The following PRKCA variants were observed in gnomAD, a reference collection of about 807,000 sequenced individuals.
PRKCA encodes protein kinase C alpha, also known as protein kinase C alpha type.
Under a neutral mutation model 87.0 loss-of-function variants are expected in PRKCA, and 27 were observed. The ratio of observed to expected loss-of-function variants is 0.31; its 90% CI spans 0.23 to 0.43. The LOEUF (loss-of-function observed/expected upper bound fraction) is 0.43. Among genes scored for constraint, PRKCA ranks in the 20% least tolerant of loss-of-function variants. The pLI is 1.00. For missense variants in PRKCA, 518 were observed against 852.3 expected (o/e 0.61, Z 4.88); for synonymous variants, 329 against 311.1 (o/e 1.06, Z -0.61).
At chr17:66,361,003 G>A (rs1908357000) in intron 2 of PRKCA, among the ~76,000 whole-genome samples, 1 of 151,852 alleles carries the variant, frequency 6.6e-6, no homozygotes, top group African/African-American at 2.4e-5. Context: ...GAAAAGTGGG[G>A]AAAGAGACAA....
At chr17:66,482,098 C>CAAAA (rs58719328) in intron 2 of PRKCA, among the ~76,000 whole-genome samples, 16 of 89,280 alleles carry the variant, frequency 1.8e-4, no homozygotes, top group Non-Finnish European at 2.9e-4. Context: ...AAGACTGTCT[C>CAAAA]AAAAAAAAAA....
At chr17:66,466,538 A>G (rs911184418) in intron 2 of PRKCA, among the ~76,000 whole-genome samples, 2 of 152,230 alleles carry the variant, frequency 1.3e-5, no homozygotes, top group African/African-American at 4.8e-5. Flanking sequence ...TCCTTACCTC[A>G]AAATGGAAGA....
chr17:66,553,544 G>C (rs1340181843), intron 3 of PRKCA, among the ~76,000 whole-genome samples: 1 of 152,208 alleles, frequency 6.6e-6, no homozygotes, highest in East Asian at 1.9e-4. Context: ...CTAATGGATA[G>C]AATATGGTAG....
chr17:66,745,670 G>A (rs991301210), intron 13 of PRKCA, among the ~76,000 whole-genome samples: 1 of 152,108 alleles, frequency 6.6e-6, no homozygotes, highest in African/African-American at 2.4e-5. Context: ...AACGGAGTGA[G>A]ACACCGTCTC....
chr17:66,805,423 T>C lies in PRKCA; in HGVS notation c.*1386T>C, dbSNP rs1976009524. On this transcript the variant is annotated 3_prime_UTR_variant, in exon 17 of 17. Coordinates refer to ENST00000413366, the MANE Select transcript of PRKCA (RefSeq NM_002737.3). ...TGCAGGTTCTTGTTTCTAATCCTCT[T>C]TTCTAATTAAGTTTTAGCTGAATCC... is the stretch of plus-strand genomic sequence containing the variant. 3 of 153,224 alleles carry C rather than the reference T, an allele frequency of 2.0e-5. No homozygotes were observed. Among genetic ancestry groups the C allele is most frequent in the Admixed American group, 1.3e-4 (2 of 15,290 alleles). 9.5% of individuals were successfully genotyped at this position (153,224 alleles called of 1,614,324 possible).
chr17:66,363,577 G>A (rs953034861), intron 2 of PRKCA, among the ~76,000 whole-genome samples: 3 of 152,218 alleles, frequency 2.0e-5, no homozygotes, highest in Non-Finnish European at 2.9e-5. Context: ...CATTAAGAAA[G>A]AGCGCTATTC....
chr17:66,409,978 C>T (rs1911678720), intron 2 of PRKCA, among the ~76,000 whole-genome samples: 1 of 152,282 alleles, frequency 6.6e-6, no homozygotes, highest in South Asian at 2.1e-4. Flanking sequence ...TCGTGCTGGT[C>T]TGTCATCATC....
At position 66,332,918 on chromosome 17, in the gene PRKCA, C is replaced by T. The variant is rs901110272; in HGVS notation, c.205+26791C>T. Among the ~76,000 whole-genome samples, 5 of 152,100 alleles carry T rather than the reference C, an allele frequency of 3.3e-5. No individual in the cohort carries two copies. In the East Asian group the frequency reaches 9.7e-4, roughly 29 times the overall value. ...ATGTTAGCCAGGATGGTCTCAATCT[C>T]CTGACCTTGTGATCCACCCGCCTTG... On this transcript the variant is annotated intron_variant, in intron 2 of 16. Transcript: ENST00000413366.
At chr17:66,336,776 GT>G (rs1370959097) in intron 2 of PRKCA, among the ~76,000 whole-genome samples, 2 of 134,426 alleles carry the variant, frequency 1.5e-5, no homozygotes, top group African/African-American at 5.1e-5. Flanking sequence ...GTGTGTGTGT[GT>G]GTGTGTGTGT....
chr17:66,379,113 C>A (rs1157262406), intron 2 of PRKCA, among the ~76,000 whole-genome samples: 6 of 152,082 alleles, frequency 3.9e-5, no homozygotes, highest in African/African-American at 1.4e-4. Context: ...TGTGAACATT[C>A]AGTTGTGCAT....
At chr17:66,754,473 C>T in intron 13 of PRKCA, among the ~76,000 whole-genome samples, 1 of 152,120 alleles carries the variant, frequency 6.6e-6, no homozygotes, top group East Asian at 1.9e-4. Context: ...CTTGCTGTGC[C>T]TCGACTTCTC....
intron 5 of PRKCA, among the ~76,000 whole-genome samples, chr17:66,654,425 C>G (rs1379754091): frequency 6.6e-6 from 1 of 152,116 alleles, no homozygotes; most frequent in African/African-American, 2.4e-5. Context: ...TCATCACCAG[C>G]AGCAGCAGCA....
intron 8 of PRKCA, among the ~76,000 whole-genome samples, chr17:66,705,218 G>C (rs1343148704): frequency 6.6e-6 from 1 of 152,174 alleles, no homozygotes; most frequent in Non-Finnish European, 1.5e-5. Context: ...ATATTTTAAG[G>C]CTTATCCTTC....
At chr17:66,756,408 C>T (rs1451739160) in intron 13 of PRKCA, among the ~76,000 whole-genome samples, 3 of 152,108 alleles carry the variant, frequency 2.0e-5, no homozygotes, top group Non-Finnish European at 4.4e-5. Context: ...AGGCTCCCCA[C>T]AAGACAGAGA....
Position 66,311,833 on chromosome 17 carries a change from C to T in PRKCA, c.205+5706C>T, listed in dbSNP as rs16959053. On this transcript the variant is annotated intron_variant, in intron 2 of 16. Coordinates refer to ENST00000413366, the MANE Select transcript of PRKCA (RefSeq NM_002737.3). Reference sequence around the variant, plus strand: ...CTTTATACGGTAAGTGAAAGTGTTTCGTTAATTTATTCACACATCAATCCT... The same window carrying T: ...CTTTATACGGTAAGTGAAAGTGTTTTGTTAATTTATTCACACATCAATCCT... Among the ~76,000 whole-genome samples the T allele has an allele frequency of 9.3e-3, 1,414 of 152,170 alleles. 25 individuals carry two copies. The highest frequency in any genetic ancestry group is 0.033 in the African/African-American group (1,361 of 41,504).
At chr17:66,539,229 G>A (rs961702658) in intron 3 of PRKCA, among the ~76,000 whole-genome samples, 24 of 152,106 alleles carry the variant, frequency 1.6e-4, no homozygotes, top group Middle Eastern at 3.4e-3. Flanking sequence ...ACTCTTAAAC[G>A]TCAGGCTGAG....
At chr17:66,503,670 C>CT (rs1916849379) in intron 3 of PRKCA, among the ~76,000 whole-genome samples, 1 of 152,164 alleles carries the variant, frequency 6.6e-6, no homozygotes, top group South Asian at 2.1e-4. Context: ...CTTTTCTTTA[C>CT]TACAATCTTG....
rs921193641 is a variant in PRKCA at position 66,807,093 on chromosome 17, G to A, written c.*3056G>A. 2.0e-5 allele frequency: 3 copies of A among 152,272 alleles called. No homozygotes were observed. Among genetic ancestry groups the A allele is most frequent in the Admixed American group, 1.3e-4 (2 of 15,290 alleles). The allele number at this position is 152,272 out of a possible 1,614,324, so 9.4% of individuals were successfully genotyped here. On this transcript the variant is annotated 3_prime_UTR_variant, in exon 17 of 17. Transcript: ENST00000413366. This position sits in a 1 kb window ranked among gnomAD's most constrained non-coding sequence, Gnocchi z 4.3. ...CCTTCGTGGGTATTGTGTGAAATGA[G>A]ATGGTGGCGAGGGGTGCGCTGTGGA...
chr17:66,787,454 G>C (rs1025175312), intron 15 of PRKCA, among the ~76,000 whole-genome samples: 1 of 152,204 alleles, frequency 6.6e-6, no homozygotes, highest in South Asian at 2.1e-4. Flanking sequence ...TCATAAAATT[G>C]TGGTGGGGAC....
Sources: gnomAD v4.1 joint callset for allele counts (sites outside exome capture counted in the v4.1 genomes callset) on GRCh38, gnomAD v4.1.1 for gene constraint, Gnocchi (gnomAD v3.1) non-coding constraint, MANE v1.5 for transcripts, NCBI Gene and HGNC (gene_info 2026-07-23, HGNC 2026-07-21) for gene names.